ANKRD12: variants seen among roughly 807,000 people sequenced by gnomAD.
ANKRD12 encodes ankyrin repeat domain-containing protein 12.
In ANKRD12, 85 loss-of-function variants were observed where a neutral mutation model predicts 183.4. That is an observed-to-expected ratio of 0.46 (90% CI 0.39 to 0.56). ANKRD12 has a LOEUF of 0.56. Ranked by LOEUF, ANKRD12 falls within the 20% of genes least tolerant of loss-of-function variation. The pLI, the probability that ANKRD12 is intolerant of heterozygous loss-of-function variation, is 0.00. For synonymous variants in ANKRD12, 914 were observed against 800.2 expected (o/e 1.14, Z -2.40); for missense variants, 2,405 against 2,357.1 (o/e 1.02, Z -0.42).
rs2034732753 is a variant in ANKRD12 at position 9,195,539 on chromosome 18, A to C, written c.88-12A>C. ...TATTGATATAACTTTACTCTATTTGACTTTTTAATAGAGTAAAGACAAGAT... is the reference window on the plus strand; with the variant it reads ...TATTGATATAACTTTACTCTATTTGCCTTTTTAATAGAGTAAAGACAAGAT... On this transcript the variant is annotated splice_polypyrimidine_tract_variant and intron_variant, in intron 2 of 12. Transcript: ENST00000262126. The C allele has an allele frequency of 1.3e-6, 2 of 1,578,350 alleles. No homozygotes were observed. Among genetic ancestry groups the C allele is most frequent in the Non-Finnish European group, 1.7e-6 (2 of 1,161,546 alleles).
At chr18:9,271,128 G>A (rs930013544) in intron 10 of ANKRD12, among the ~76,000 whole-genome samples, 2 of 152,228 alleles carry the variant, frequency 1.3e-5, no homozygotes, top group South Asian at 4.1e-4. Flanking sequence ...GCTGGCAGTG[G>A]TGTGATCATC....
chr18:9,151,878 G>A (rs1483150218), intron 1 of ANKRD12, among the ~76,000 whole-genome samples: 5 of 152,106 alleles, frequency 3.3e-5, no homozygotes, highest in Non-Finnish European at 7.4e-5. Flanking sequence ...ACTTCTCATA[G>A]CCTTTTTATT....
At chr18:9,268,101 G>C (rs1381449716) in intron 10 of ANKRD12, among the ~76,000 whole-genome samples, 1 of 152,084 alleles carries the variant, frequency 6.6e-6, no homozygotes, top group Non-Finnish European at 1.5e-5. Context: ...ACCAATAACA[G>C]GCTCTGAAAT....
chr18:9,154,132 C>G (rs1157923758), intron 1 of ANKRD12, among the ~76,000 whole-genome samples: 1 of 152,088 alleles, frequency 6.6e-6, no homozygotes, highest in Admixed American at 6.6e-5. Flanking sequence ...TAAAAGATTA[C>G]TCTGCGGCTG....
At chr18:9,273,384 GTATGTTTATTTCTATAAAAA>G (rs2039693723) in intron 10 of ANKRD12, among the ~76,000 whole-genome samples, 1 of 152,160 alleles carries the variant, frequency 6.6e-6, no homozygotes, top group African/African-American at 2.4e-5. Context: ...TCATCATACA[GTATGTTTATTTCTATAAAAA>G]TATTCATTAT....
At chr18:9,223,991 A>G (rs770694754) in intron 8 of ANKRD12, among the ~76,000 whole-genome samples, 18 of 152,244 alleles carry the variant, frequency 1.2e-4, no homozygotes, top group Non-Finnish European at 4.4e-5. Context: ...AAAGCAAGAT[A>G]ATAATGACTG....
chr18:9,216,334 G>T lies in ANKRD12; in HGVS notation c.653-424G>T, dbSNP rs145029114. Among the ~76,000 whole-genome samples the T allele has an allele frequency of 5.3e-4, 80 of 152,086 alleles. 1 individual carries two copies. The highest frequency in any genetic ancestry group is 1.9e-3 in the African/African-American group (78 of 41,508). ...ATCCACTTCTACTTAATGAATAATA[G>T]ATTTTTCTTACGATTTTGTTAAATA... On this transcript the variant is annotated intron_variant, in intron 6 of 12. Transcript: ENST00000262126.
At chr18:9,169,969 T>C (rs1598440726) in intron 1 of ANKRD12, among the ~76,000 whole-genome samples, 1 of 152,220 alleles carries the variant, frequency 6.6e-6, no homozygotes, top group Non-Finnish European at 1.5e-5. Flanking sequence ...CCTTCACTTA[T>C]GAAGCTTAGT....
rs1031557104 is a variant in ANKRD12, at chr18:9,285,721, C to G, written c.*4595C>G. ...TCTCCAGTCACTACCCCTGAGGCAGCCACTGTGCTGATTTCCCATCACCAT... is the reference window on the plus strand; with the variant it reads ...TCTCCAGTCACTACCCCTGAGGCAGGCACTGTGCTGATTTCCCATCACCAT... On this transcript the variant is annotated 3_prime_UTR_variant, in exon 13 of 13. Coordinates refer to ENST00000262126, the MANE Select transcript of ANKRD12 (RefSeq NM_015208.5). The G allele has an allele frequency of 6.6e-6, 1 of 152,174 alleles. No individual in the cohort carries two copies. The highest frequency in any genetic ancestry group is 2.4e-5 in the African/African-American group (1 of 41,436). 9.4% of individuals were successfully genotyped at this position (152,174 alleles called of 1,614,324 possible). A position where few individuals can be genotyped will look rare whatever the true frequency, so the allele number is the denominator to read the frequency against.
chr18:9,163,298 G>A (rs1178057501), intron 1 of ANKRD12, among the ~76,000 whole-genome samples: 1 of 152,112 alleles, frequency 6.6e-6, no homozygotes, highest in Non-Finnish European at 1.5e-5. Context: ...ATTAAATAGG[G>A]AATCCTTTCT....
chr18:9,182,829 T>C (rs1246273785), intron 2 of ANKRD12, among the ~76,000 whole-genome samples: 5 of 152,200 alleles, frequency 3.3e-5, no homozygotes, highest in African/African-American at 1.2e-4. Context: ...ATATCTATCC[T>C]TTTTCATTCC....
rs2038738869 is a variant in ANKRD12, at chr18:9,257,980, A to G, written c.4713A>G (p.Glu1571=). 1 of 1,613,768 alleles carries G rather than the reference A, an allele frequency of 6.2e-7. No homozygotes were observed. Among genetic ancestry groups the G allele is most frequent in the Non-Finnish European group, 8.5e-7 (1 of 1,179,958 alleles). Residue 1571 remains glutamate (E), a synonymous_variant, in exon 9 of 13, where the codon GAA becomes GAG. Transcript: ENST00000262126. ...TGTACTCTGACAGCACTATTCAAGAAGCATCACCAAACTTTGAGAAAGCTT... is the reference window on the plus strand; with the variant it reads ...TGTACTCTGACAGCACTATTCAAGAGGCATCACCAAACTTTGAGAAAGCTT... ...VPVYSDSTIQ[E]ASPNFEKAYT...
chr18:9,237,937 G>A (rs1245900108), intron 8 of ANKRD12, among the ~76,000 whole-genome samples: 2 of 152,068 alleles, frequency 1.3e-5, no homozygotes. Flanking sequence ...AATCATTTAT[G>A]CCCTTCCCTT....
intron 8 of ANKRD12, chr18:9,239,609 C>T: frequency 4.5e-6 from 4 of 879,992 alleles, no homozygotes; most frequent in Non-Finnish European, 6.3e-6. Flanking sequence ...ATGAAAATAC[C>T]CAAAATTTAT....
chr18:9,266,491 C>T (rs2039298147), intron 10 of ANKRD12, among the ~76,000 whole-genome samples: 2 of 152,110 alleles, frequency 1.3e-5, no homozygotes, highest in Admixed American at 1.3e-4. Context: ...AATTTTCAAC[C>T]CAGAATTTCA....
Position 9,255,444 on chromosome 18 carries a change from T to C in ANKRD12, c.2177T>C (p.Leu726Ser), listed in dbSNP as rs762295773. The change falls in exon 9 of 13, where the codon TTG (leucine) becomes TCG (serine). Residue 726 changes from leucine to serine, a missense_variant. Transcript: ENST00000262126. Reference protein sequence around the residue: ...ESLTLEKKSKLEKNIKDDKST... With the variant: ...ESLTLEKKSKSEKNIKDDKST... ...TTAACATTAGAAAAAAAATCAAAAT[T>C]GGAAAAAAACATCAAAGATGATAAA... The C allele has an allele frequency of 1.7e-5, 27 of 1,568,314 alleles. No individual in the cohort carries two copies. The highest frequency in any genetic ancestry group is 2.3e-5 in the Non-Finnish European group (27 of 1,166,200).
intron 1 of ANKRD12, among the ~76,000 whole-genome samples, chr18:9,172,796 C>G (rs1211348577): frequency 6.6e-6 from 1 of 152,186 alleles, no homozygotes; most frequent in African/African-American, 2.4e-5. Flanking sequence ...AGAAGAGGCA[C>G]TCTGGCTTTT....
chr18:9,255,184 A>C lies in ANKRD12; in HGVS notation c.1917A>C (p.Thr639=), dbSNP rs770069259. 6.3e-7 allele frequency: 1 copy of C among 1,586,422 alleles called. No homozygotes were observed. The highest frequency in any genetic ancestry group is 8.5e-7 in the Non-Finnish European group (1 of 1,172,206). ...CAACATTTGAAAATTCAGATTGCACACTGAAAAAAATGGATAAAGAAGGTA... is the reference window on the plus strand; with the variant it reads ...CAACATTTGAAAATTCAGATTGCACCCTGAAAAAAATGGATAAAGAAGGTA... ...HSPTFENSDC[T]LKKMDKEGKT... The change falls in exon 9 of 13, where the codon ACA becomes ACC. Residue 639 remains threonine (T), a synonymous_variant. Coordinates refer to ENST00000262126, the MANE Select transcript of ANKRD12 (RefSeq NM_015208.5).
At chr18:9,144,890 A>G (rs558534820) in intron 1 of ANKRD12, among the ~76,000 whole-genome samples, 17 of 150,870 alleles carry the variant, frequency 1.1e-4, no homozygotes, top group African/African-American at 3.9e-4. Flanking sequence ...TATGTATGTA[A>G]TACATACATT....
Sources: allele counts gnomAD v4.1 joint callset (sites outside exome capture counted in the v4.1 genomes callset), GRCh38; gene constraint gnomAD v4.1.1; transcripts MANE v1.5; gene names NCBI Gene and HGNC (gene_info 2026-07-23, HGNC 2026-07-21).